PABPC4L: variants seen among roughly 807,000 people sequenced by gnomAD.
PABPC4L encodes poly(A) binding protein cytoplasmic 4 like.
For missense variants in PABPC4L, 452 were observed against 451.4 expected (o/e 1.00, Z -0.01); for synonymous variants, 169 against 164.1 (o/e 1.03, Z -0.23).
chr4:133,995,840 T>C, the PABPC4L span, among the ~76,000 whole-genome samples: 2 of 152,326 alleles, frequency 1.3e-5, no homozygotes, highest in African/African-American at 4.8e-5. Context: ...TGTAAGGTTG[T>C]TTTAGCTAGC....
chr4:134,052,066 T>C, the PABPC4L span, among the ~76,000 whole-genome samples: 1 of 152,040 alleles, frequency 6.6e-6, no homozygotes, highest in Non-Finnish European at 1.5e-5. Context: ...CACAGGCTAC[T>C]TGGCTGTGGC....
At chr4:134,040,922 C>A in the PABPC4L span, among the ~76,000 whole-genome samples, 13 of 151,982 alleles carry the variant, frequency 8.6e-5, no homozygotes, top group Non-Finnish European at 1.0e-4. Context: ...AGGATATGAA[C>A]AGACACTTCT....
chr4:133,990,842 AC>A, the PABPC4L span, among the ~76,000 whole-genome samples: 2 of 152,058 alleles, frequency 1.3e-5, no homozygotes, highest in African/African-American at 2.4e-5. Flanking sequence ...CTTATTATCT[AC>A]CCTTTGCTCT....
chr4:134,054,676 G>A, the PABPC4L span, among the ~76,000 whole-genome samples: 1 of 151,848 alleles, frequency 6.6e-6, no homozygotes, highest in African/African-American at 2.4e-5. Flanking sequence ...TTTTCACCAA[G>A]TATAATGCCT....
chr4:134,134,861 C>G, the PABPC4L span, among the ~76,000 whole-genome samples: 18 of 151,720 alleles, frequency 1.2e-4, no homozygotes, highest in African/African-American at 4.1e-4. Flanking sequence ...TGAGAGTGAG[C>G]TGAATAAATT....
chr4:134,110,039 C>T, the PABPC4L span, among the ~76,000 whole-genome samples: 3 of 152,000 alleles, frequency 2.0e-5, no homozygotes, highest in African/African-American at 7.2e-5. Context: ...TAAGTTAATG[C>T]ATATGCAAAG....
At chr4:134,100,169 G>A in the PABPC4L span, among the ~76,000 whole-genome samples, 1 of 151,582 alleles carries the variant, frequency 6.6e-6, no homozygotes, top group Non-Finnish European at 1.5e-5. Context: ...TTTTAATAAT[G>A]TGGCTTGAAC....
the PABPC4L span, among the ~76,000 whole-genome samples, chr4:134,141,887 T>C: frequency 9.2e-5 from 14 of 151,718 alleles, no homozygotes; most frequent in African/African-American, 3.4e-4. Context: ...CATAAAAAAA[T>C]CTCATAAATG....
chr4:134,070,306 C>T, the PABPC4L span, among the ~76,000 whole-genome samples: 10 of 152,084 alleles, frequency 6.6e-5, no homozygotes, highest in Non-Finnish European at 1.2e-4. Flanking sequence ...CAAGTGCCAG[C>T]AGCAGCGGCA....
At chr4:134,192,018 T>C (rs1244637088), downstream of PABPC4L, among the ~76,000 whole-genome samples, 1 of 152,108 alleles carries the variant, frequency 6.6e-6, no homozygotes, top group Non-Finnish European at 1.5e-5. Context: ...CTTTGTCTAT[T>C]AATATAACCG....
chr4:134,190,227 A>C, the PABPC4L span, among the ~76,000 whole-genome samples: 2 of 152,084 alleles, frequency 1.3e-5, no homozygotes, highest in African/African-American at 4.8e-5. Flanking sequence ...TGCCTCTCTA[A>C]TTTTGGATAT....
the PABPC4L span, among the ~76,000 whole-genome samples, chr4:134,109,374 A>T: frequency 6.6e-6 from 1 of 151,900 alleles, no homozygotes; most frequent in African/African-American, 2.4e-5. Flanking sequence ...CAATATTTAG[A>T]AGTATAAATG....
the PABPC4L span, among the ~76,000 whole-genome samples, chr4:133,989,755 C>G: frequency 2.0e-5 from 3 of 151,956 alleles, no homozygotes; most frequent in Non-Finnish European, 4.4e-5. Context: ...CTCATGATAC[C>G]AATTTTCTGT....
the PABPC4L span, among the ~76,000 whole-genome samples, chr4:134,149,695 G>C: frequency 6.6e-6 from 1 of 152,116 alleles, no homozygotes; most frequent in Non-Finnish European, 1.5e-5. Context: ...TATAAGACTA[G>C]GCAAGTCAGG....
the PABPC4L span, among the ~76,000 whole-genome samples, chr4:134,079,219 C>T: frequency 6.6e-6 from 1 of 150,714 alleles, no homozygotes; most frequent in Non-Finnish European, 1.5e-5. Context: ...TCCCGCCTGC[C>T]TCTGCCTCCC....
the PABPC4L span, among the ~76,000 whole-genome samples, chr4:134,017,655 G>A: frequency 6.6e-6 from 1 of 152,108 alleles, no homozygotes; most frequent in African/African-American, 2.4e-5. Flanking sequence ...CCAATTCTTA[G>A]ACCTTTAATA....
the PABPC4L span, among the ~76,000 whole-genome samples, chr4:134,019,975 C>T: frequency 3.3e-5 from 5 of 152,108 alleles, no homozygotes; most frequent in African/African-American, 7.2e-5. Flanking sequence ...ACCCACTCAC[C>T]TATCAAGTGG....
the PABPC4L span, among the ~76,000 whole-genome samples, chr4:134,135,583 G>A: frequency 0.7 from 105,766 of 152,022 alleles, 38,141 homozygotes; most frequent in East Asian, 1. Flanking sequence ...CCGTAATCCC[G>A]GCACTTGGGA....
the PABPC4L span, among the ~76,000 whole-genome samples, chr4:133,980,774 A>T: frequency 6.6e-6 from 1 of 152,192 alleles, no homozygotes; most frequent in Admixed American, 6.5e-5. Flanking sequence ...AAAAAAAATG[A>T]TCATCTTAGA....
Sources: allele counts gnomAD v4.1 joint callset (sites outside exome capture counted in the v4.1 genomes callset), GRCh38; gene constraint gnomAD v4.1.1; transcripts MANE v1.5; gene names NCBI Gene and HGNC (gene_info 2026-07-23, HGNC 2026-07-21).